ITSN1: variants seen among roughly 807,000 people sequenced by gnomAD.
ITSN1 encodes intersectin 1, also known as intersectin-1.
A neutral mutation model predicts 239.8 loss-of-function variants in ITSN1; 58 were observed. The ratio of observed to expected loss-of-function variants is 0.24; its 90% CI spans 0.20 to 0.30. The LOEUF (loss-of-function observed/expected upper bound fraction) is 0.30, where lower values mean the gene tolerates loss of function less well. ITSN1 is among the 10% of genes least tolerant of loss of function. The pLI is 1.00. For synonymous variants in ITSN1, 780 were observed against 770.8 expected, an observed-to-expected ratio of 1.01 and a Z score of -0.20; for missense variants, 1,558 against 2,103.3, an observed-to-expected ratio of 0.74 and a Z score of 5.07.
chr21:33,675,035 G>A (rs1383642465), intron 1 of ITSN1, among the ~76,000 whole-genome samples: 1 of 152,082 alleles, frequency 6.6e-6, no homozygotes, highest in Non-Finnish European at 1.5e-5. Flanking sequence ...TTATTATTTG[G>A]TATCTCTTCA....
intron 6 of ITSN1, among the ~76,000 whole-genome samples, chr21:33,751,450 A>G (rs1489221350): frequency 6.6e-6 from 1 of 152,240 alleles, no homozygotes; most frequent in African/African-American, 2.4e-5. Context: ...TCTGGAACTA[A>G]TACTTCAGCT....
intron 1 of ITSN1, among the ~76,000 whole-genome samples, chr21:33,690,772 A>AGTGT (rs1568945975): frequency 1.4e-5 from 1 of 69,236 alleles, no homozygotes; most frequent in Non-Finnish European, 2.6e-5. Context: ...GAAAAAAAAA[A>AGTGT]GTGTATATAT....
intron 14 of ITSN1, among the ~76,000 whole-genome samples, chr21:33,775,357 A>G (rs2069515117): frequency 6.6e-6 from 1 of 152,194 alleles, no homozygotes; most frequent in Admixed American, 6.5e-5. Flanking sequence ...GCAGGGACAG[A>G]CACTCTGTCT....
chr21:33,788,778 A>G (rs116253402), intron 16 of ITSN1, among the ~76,000 whole-genome samples: 209 of 152,274 alleles, frequency 1.4e-3, no homozygotes, highest in African/African-American at 4.9e-3. Flanking sequence ...ATTTTTCTGT[A>G]TAGTCCTCTC....
chr21:33,768,926 A>G (rs1165493613), intron 11 of ITSN1, among the ~76,000 whole-genome samples: 1 of 152,258 alleles, frequency 6.6e-6, no homozygotes, highest in Non-Finnish European at 1.5e-5. Flanking sequence ...TAGAACCTTT[A>G]AAATATATTA....
At chr21:33,740,973 T>G (rs1397223564) in intron 5 of ITSN1, among the ~76,000 whole-genome samples, 1 of 152,204 alleles carries the variant, frequency 6.6e-6, no homozygotes, top group Non-Finnish European at 1.5e-5. Context: ...GGAAAAATTA[T>G]TATGTAAGAG....
intron 33 of ITSN1, among the ~76,000 whole-genome samples, chr21:33,874,857 C>T (rs560720396): frequency 2.0e-5 from 3 of 152,238 alleles, no homozygotes; most frequent in Non-Finnish European, 4.4e-5. Context: ...CCATGTTGGC[C>T]AGGATGGTCT....
At chr21:33,694,166 C>G (rs1422784632) in intron 1 of ITSN1, among the ~76,000 whole-genome samples, 1 of 152,096 alleles carries the variant, frequency 6.6e-6, no homozygotes. Context: ...GGCATGTGCT[C>G]CCATACCTAG....
In ITSN1 at chr21:33,886,288, A is replaced by T. The variant is rs1386224977; in HGVS notation, c.4845A>T (p.Gly1615=). Residue 1615 remains glycine, a splice_region_variant and synonymous_variant, in exon 39 of 40, where the codon GGA becomes GGT. Coordinates refer to ENST00000381318, the MANE Select transcript of ITSN1 (RefSeq NM_003024.3). ...GGCGAAGGCTTTTGTTCCCTCCAGG[A>T]AAGAGCAACCCGTACTGTGAGGTGA... is the stretch of plus-strand genomic sequence containing the variant. ...GIELKPCRSH[G]KSNPYCEVTM... is the part of the protein sequence containing the mutation. The T allele has an allele frequency of 6.2e-7, 1 of 1,613,736 alleles. No individual in the cohort carries two copies. The highest frequency in any genetic ancestry group is 1.1e-5 in the South Asian group (1 of 91,046).
At chr21:33,729,736 A>T (rs1169213020) in intron 4 of ITSN1, among the ~76,000 whole-genome samples, 2 of 152,194 alleles carry the variant, frequency 1.3e-5, no homozygotes, top group African/African-American at 4.8e-5. Context: ...CAGTTAGGTA[A>T]TAGTAAATCA....
At chr21:33,753,761 T>TAAAAAAAAAAAAAAAAAAAA (rs760085854) in intron 7 of ITSN1, among the ~76,000 whole-genome samples, 5 of 81,770 alleles carry the variant, frequency 6.1e-5, no homozygotes, top group African/African-American at 2.3e-4. Flanking sequence ...GTCTCTTTCT[T>TAAAAAAAAAAAAAAAAAAAA]AAAAAAAAAA....
chr21:33,851,305 C>T (rs1602592515), intron 29 of ITSN1, among the ~76,000 whole-genome samples: 2 of 152,162 alleles, frequency 1.3e-5, no homozygotes, highest in African/African-American at 4.8e-5. Flanking sequence ...GAGGGCCCCT[C>T]GAGGAAGCCT....
At chr21:33,825,812 A>T (rs1434119536) in intron 25 of ITSN1, among the ~76,000 whole-genome samples, 2 of 152,364 alleles carry the variant, frequency 1.3e-5, no homozygotes, top group East Asian at 3.9e-4. Context: ...GCAGAATCAG[A>T]GTAAAAATTT....
At position 33,826,800 on chromosome 21, in the gene ITSN1, C is replaced by T; in HGVS notation, c.3184-18C>T. 6.2e-7 allele frequency: 1 copy of T among 1,612,570 alleles called. No individual in the cohort carries two copies. The highest frequency in any genetic ancestry group is 1.7e-4 in the Middle Eastern group (1 of 6,060). ...CAAAACTTCAGCATGCAAATGAGACCTTTTGCTCTGTTTTAAGGGCTCTGG... is the reference window on the plus strand; with the variant it reads ...CAAAACTTCAGCATGCAAATGAGACTTTTTGCTCTGTTTTAAGGGCTCTGG... On this transcript the variant is annotated intron_variant, in intron 25 of 39. Coordinates refer to ENST00000381318, the MANE Select transcript of ITSN1 (RefSeq NM_003024.3).
rs1985101140 is a variant in ITSN1, at chr21:33,882,578, T to C, written c.4554+123T>C. ...GTGGCATGCAGGAGAAGGCCAGGAG[T>C]TGAAATGCGATTTAGGGTGTCCGGA... On this transcript the variant is annotated intron_variant, in intron 35 of 39. Coordinates refer to ENST00000381318, the MANE Select transcript of ITSN1 (RefSeq NM_003024.3). This position sits in a 1 kb window ranked among gnomAD's most constrained non-coding sequence, Gnocchi z 4.5. The C allele has an allele frequency of 2.6e-6, 2 of 770,276 alleles. No homozygotes were observed. The highest frequency in any genetic ancestry group is 4.2e-6 in the Non-Finnish European group (2 of 481,640). The allele number at this position is 770,276 out of a possible 1,614,324, so 47.7% of individuals were successfully genotyped here.
chr21:33,845,286 G>A (rs536922551), intron 29 of ITSN1, among the ~76,000 whole-genome samples: 1 of 151,982 alleles, frequency 6.6e-6, no homozygotes, highest in Non-Finnish European at 1.5e-5. Flanking sequence ...CAAAGATCAA[G>A]GGGGAGGAGC....
At chr21:33,774,561 G>T (rs999136749) in intron 12 of ITSN1, 168 bp from the exon 13 acceptor site, 4 of 599,188 alleles carry the variant, frequency 6.7e-6, no homozygotes, top group East Asian at 2.8e-5. Flanking sequence ...TATTCCCATA[G>T]AAGGAATACT....
Position 33,811,084 on chromosome 21 carries a change from C to T in ITSN1, c.2429C>T (p.Pro810Leu). The change falls in exon 21 of 40, where the codon CCC becomes CTC. Residue 810 changes from proline to leucine, a missense_variant. Around this residue, in one of 2 missense-constraint regions of ITSN1, gnomAD observed 982 missense variants for 1,209.9 expected, o/e 0.81. Transcript: ENST00000381318. ...GAGAAAATCCCAGAAAATGAGGTTC[C>T]CGCTCCAGTGAAACCAGTGACTGAT... The part of the protein sequence containing the change: ...YAEKIPENEV[P>L]APVKPVTDST... 6.2e-7 allele frequency: 1 copy of T among 1,614,192 alleles called. No homozygotes were observed. Among genetic ancestry groups the T allele is most frequent in the Non-Finnish European group, 8.5e-7 (1 of 1,180,040 alleles).
intron 25 of ITSN1, among the ~76,000 whole-genome samples, chr21:33,824,405 C>CCAAT (rs1462520072): frequency 6.6e-6 from 1 of 151,886 alleles, no homozygotes; most frequent in African/African-American, 2.4e-5. Context: ...TTTAACAGAT[C>CCAAT]CAATGCACAT....
Sources: allele counts gnomAD v4.1 joint callset (sites outside exome capture counted in the v4.1 genomes callset), GRCh38; gene constraint gnomAD v4.1.1; regional missense constraint gnomAD v4.1.1; non-coding constraint Gnocchi (gnomAD v3.1); transcripts MANE v1.5; gene names NCBI Gene and HGNC (gene_info 2026-07-23, HGNC 2026-07-21).